Variants in HS6ST2 observed in about 807,000 individuals in gnomAD.
HS6ST2 encodes the protein heparan sulfate 6-O-sulfotransferase 2.
HS6ST2 carries 17 observed loss-of-function variants against 33.0 expected under a neutral mutation model. The observed-to-expected ratio is 0.52, with a 90% CI of 0.35 to 0.77. The LOEUF is 0.77. Ranked by LOEUF, HS6ST2 falls within the 30% of genes least tolerant of loss-of-function variation. The probability of loss-of-function intolerance (pLI) is 0.01; values close to 1 mark genes in which losing one functional copy is unlikely to be tolerated. For missense variants in HS6ST2, 519 were observed against 551.7 expected (o/e 0.94, Z 0.59); for synonymous variants, 248 against 237.1 (o/e 1.05, Z -0.42).
chrX:132,764,913 C>T (rs910846446), intron 2 of HS6ST2, among the ~76,000 whole-genome samples: 1 of 112,047 alleles, frequency 8.9e-6, no homozygotes, highest in African/African-American at 3.2e-5. Flanking sequence ...AGAGAAGATC[C>T]AACACTTCCC....
chrX:132,835,031 A>G (rs1349583834), intron 2 of HS6ST2, among the ~76,000 whole-genome samples: 1 of 111,837 alleles, frequency 8.9e-6, no homozygotes, highest in East Asian at 2.8e-4. Flanking sequence ...AGCTTCACAG[A>G]GATGATTCTC....
In HS6ST2 at chrX:132,956,850, G is replaced by A; in HGVS notation, c.905C>T (p.Ser302Phe). 8.4e-7 allele frequency: 1 copy of A among 1,183,692 alleles called. No individual in the cohort carries two copies. The highest frequency in any genetic ancestry group is 1.1e-6 in the Non-Finnish European group (1 of 881,265). Residue 302 changes from serine to phenylalanine, a missense_variant, in exon 2 of 5, where the codon TCC becomes TTC. Coordinates refer to ENST00000370833, the MANE Select transcript of HS6ST2 (RefSeq NM_001394073.1). ...DWTELTSCVP[S>F]VVDGKRDARL... Reference sequence around the variant, plus strand: ...GGCGTCGCGCTTGCCGTCCACCACGGAGGGCACACAGCTGGTGAGCTCGGT... The same window carrying A: ...GGCGTCGCGCTTGCCGTCCACCACGAAGGGCACACAGCTGGTGAGCTCGGT...
chrX:132,635,079 A>G (rs1455293133), intron 4 of HS6ST2, among the ~76,000 whole-genome samples: 1 of 111,968 alleles, frequency 8.9e-6, no homozygotes, highest in African/African-American at 3.2e-5. Context: ...GTTTATAAAC[A>G]ATGCACAGTG....
intron 4 of HS6ST2, among the ~76,000 whole-genome samples, chrX:132,633,481 C>T (rs1263633077): frequency 1.8e-5 from 2 of 110,677 alleles, no homozygotes; most frequent in Non-Finnish European, 3.8e-5. Flanking sequence ...AAATATTTAG[C>T]GGGTAAAAGT....
At chrX:132,827,070 G>A (rs948452622) in intron 2 of HS6ST2, among the ~76,000 whole-genome samples, 10 of 111,564 alleles carry the variant, frequency 9.0e-5, no homozygotes, top group African/African-American at 3.3e-4. Flanking sequence ...GACCAATGTT[G>A]GATAATTATA....
At chrX:132,647,122 G>A (rs749857439) in intron 4 of HS6ST2, among the ~76,000 whole-genome samples, 1 of 111,346 alleles carries the variant, frequency 9.0e-6, no homozygotes, top group African/African-American at 3.3e-5. Context: ...TCACAGAAGT[G>A]AGGAGAGAGA....
At chrX:132,889,505 C>A (rs985186278) in intron 2 of HS6ST2, among the ~76,000 whole-genome samples, 1 of 110,879 alleles carries the variant, frequency 9.0e-6, no homozygotes, top group African/African-American at 3.3e-5. Context: ...CTGGGAATAC[C>A]AAGAGCAGAT....
intron 2 of HS6ST2, among the ~76,000 whole-genome samples, chrX:132,919,405 C>T (rs1379903779): frequency 8.9e-6 from 1 of 112,011 alleles, no homozygotes; most frequent in Non-Finnish European, 1.9e-5. Flanking sequence ...AGACAGAAAA[C>T]AGCATCACTG....
intron 3 of HS6ST2, among the ~76,000 whole-genome samples, chrX:132,704,999 C>T (rs1016268579): frequency 9.9e-5 from 11 of 111,419 alleles, no homozygotes; most frequent in African/African-American, 2.9e-4. Flanking sequence ...CCTGGGGCTC[C>T]GGAATGAATT....
intron 2 of HS6ST2, among the ~76,000 whole-genome samples, chrX:132,770,481 C>T (rs2064887513): frequency 8.9e-6 from 1 of 111,980 alleles, no homozygotes; most frequent in African/African-American, 3.2e-5. Flanking sequence ...CACCATTCAT[C>T]CAGTTCACTC....
At chrX:132,750,366 A>G (rs1049300871) in intron 2 of HS6ST2, among the ~76,000 whole-genome samples, 130 of 109,721 alleles carry the variant, frequency 1.2e-3, no homozygotes, top group East Asian at 2.3e-3. Context: ...AAAAAAAAAA[A>G]AGAGATCCAA....
chrX:132,848,327 TG>T (rs1273093581), intron 2 of HS6ST2, among the ~76,000 whole-genome samples: 3 of 112,522 alleles, frequency 2.7e-5, no homozygotes, highest in Non-Finnish European at 5.6e-5. Context: ...GCATCCCTCC[TG>T]GGTAGGATGG....
rs774278918 is a variant in HS6ST2 at position 132,768,636 on chromosome X, C to T, written c.948-60142G>A. Among the ~76,000 whole-genome samples the T allele has an allele frequency of 2.7e-5, 3 of 112,254 alleles. No individual in the cohort carries two copies. In the East Asian group the frequency reaches 8.4e-4, roughly 32 times the overall value. On this transcript the variant is annotated intron_variant, in intron 2 of 4. Coordinates refer to ENST00000370833, the MANE Select transcript of HS6ST2 (RefSeq NM_001394073.1). ...CAAAATGCAGGACTCTGCACAAAAA[C>T]TGAGAATTCTTCCACTGGAGTGTAG... is the stretch of plus-strand genomic sequence containing the variant.
At chrX:132,828,909 T>C (rs934569321) in intron 2 of HS6ST2, among the ~76,000 whole-genome samples, 3 of 103,734 alleles carry the variant, frequency 2.9e-5, no homozygotes, top group Non-Finnish European at 5.8e-5. Flanking sequence ...GCTGTACATA[T>C]ATTTTATATA....
intron 2 of HS6ST2, among the ~76,000 whole-genome samples, chrX:132,838,534 C>T (rs2065668282): frequency 8.9e-6 from 1 of 111,763 alleles, no homozygotes; most frequent in African/African-American, 3.3e-5. Flanking sequence ...TACTTGGCAA[C>T]ACCGAATTTA....
intron 2 of HS6ST2, among the ~76,000 whole-genome samples, chrX:132,811,379 T>C (rs1394437222): frequency 9.2e-6 from 1 of 109,265 alleles, no homozygotes; most frequent in Non-Finnish European, 1.9e-5. Flanking sequence ...TTATTAAGTA[T>C]ATAGTTCAGT....
chrX:132,816,719 AG>A (rs1309140263), intron 2 of HS6ST2, among the ~76,000 whole-genome samples: 1 of 111,633 alleles, frequency 9.0e-6, no homozygotes, highest in African/African-American at 3.3e-5. Flanking sequence ...CCAAATGTTA[AG>A]TGACTGTACT....
At chrX:132,804,313 C>T (rs1347135855) in intron 2 of HS6ST2, among the ~76,000 whole-genome samples, 2 of 111,895 alleles carry the variant, frequency 1.8e-5, no homozygotes, top group South Asian at 3.8e-4. Flanking sequence ...AACCCTGCCC[C>T]GAGCAAGTGT....
chrX:132,653,492 T>C (rs1247265520), intron 4 of HS6ST2, among the ~76,000 whole-genome samples: 2 of 111,738 alleles, frequency 1.8e-5, no homozygotes, highest in South Asian at 7.5e-4. Context: ...TTTGTGTTGA[T>C]AGTGGTGACG....
Sources: allele counts gnomAD v4.1 joint callset (sites outside exome capture counted in the v4.1 genomes callset), GRCh38; gene constraint gnomAD v4.1.1; transcripts MANE v1.5; gene names NCBI Gene and HGNC (gene_info 2026-07-23, HGNC 2026-07-21).